PDZRN4: variants seen among roughly 807,000 people sequenced by gnomAD.
PDZRN4 encodes the protein PDZ domain containing ring finger 4.
Under a neutral mutation model 99.0 loss-of-function variants are expected in PDZRN4, and 70 were observed. The ratio of observed to expected loss-of-function variants is 0.71; its 90% CI spans 0.58 to 0.86. The LOEUF (loss-of-function observed/expected upper bound fraction) is 0.86. Among genes scored for constraint, PDZRN4 ranks in the 40% least tolerant of loss-of-function variants. PDZRN4 has a pLI of 0.00. For synonymous variants in PDZRN4, 551 were observed against 501.6 expected (o/e 1.10, Z -1.32); for missense variants, 1,474 against 1,331.2 (o/e 1.11, Z -1.67).
intron 3 of PDZRN4, among the ~76,000 whole-genome samples, chr12:41,373,013 G>A (rs549513357): frequency 5.3e-5 from 8 of 152,184 alleles, no homozygotes; most frequent in African/African-American, 1.2e-4. Context: ...CTGGGTGTCC[G>A]GGGGAGACAT....
chr12:41,521,833 G>A (rs930286643), intron 5 of PDZRN4, among the ~76,000 whole-genome samples: 7 of 152,046 alleles, frequency 4.6e-5, no homozygotes, highest in Non-Finnish European at 8.8e-5. Context: ...ATTGTCAAGA[G>A]GATATAGTAT....
At chr12:41,348,917 G>C (rs1052108877) in intron 3 of PDZRN4, among the ~76,000 whole-genome samples, 2 of 151,882 alleles carry the variant, frequency 1.3e-5, no homozygotes, top group Non-Finnish European at 2.9e-5. Flanking sequence ...CTATTAAAAT[G>C]TCCCTTTGTG....
rs1938207199 is a variant in PDZRN4 at position 41,506,483 on chromosome 12, A to G, written c.871A>G (p.Thr291Ala). ...EVNGKDLSKA[T>A]HEEAVEAFRN... ...CAATGGGAAGGATCTTTCAAAGGCC[A>G]CTCATGAAGAGGCAGTGGAAGCTTT... The change falls in exon 4 of 10, where the codon ACT (threonine) becomes GCT (alanine). Residue 291 changes from threonine (T) to alanine (A), a missense_variant. Physicochemically the swap from Thr to Ala is moderately conservative, Grantham distance 58. Transcript: ENST00000402685. The G allele has an allele frequency of 6.2e-6, 10 of 1,613,076 alleles. No individual in the cohort carries two copies. The highest frequency in any genetic ancestry group is 7.6e-6 in the Non-Finnish European group (9 of 1,179,548).
At chr12:41,240,034 C>G (rs1486860226) in intron 3 of PDZRN4, among the ~76,000 whole-genome samples, 3 of 152,152 alleles carry the variant, frequency 2.0e-5, no homozygotes, top group Admixed American at 6.5e-5. Context: ...TGGAGTAAAT[C>G]ACTGAAGCAG....
intron 5 of PDZRN4, among the ~76,000 whole-genome samples, chr12:41,537,997 G>A (rs1464594985): frequency 6.6e-6 from 1 of 152,112 alleles, no homozygotes; most frequent in Non-Finnish European, 1.5e-5. Flanking sequence ...AAATTCCACT[G>A]TTTTCTTGAT....
chr12:41,486,885 C>A (rs921974387), intron 3 of PDZRN4, among the ~76,000 whole-genome samples: 1 of 151,648 alleles, frequency 6.6e-6, no homozygotes, highest in Non-Finnish European at 1.5e-5. Flanking sequence ...ATGCTTCCAC[C>A]CTTGGGCCTT....
intron 3 of PDZRN4, among the ~76,000 whole-genome samples, chr12:41,274,327 A>G (rs1161787730): frequency 6.6e-6 from 1 of 152,178 alleles, no homozygotes; most frequent in Admixed American, 6.6e-5. Flanking sequence ...ATTTAAAATA[A>G]TAAATCTTTC....
At chr12:41,506,409 T>A in intron 3 of PDZRN4, 47 bp from the exon 4 acceptor site, 1 of 1,539,408 alleles carries the variant, frequency 6.5e-7, no homozygotes. Flanking sequence ...CATGACAGCC[T>A]CTCTGATCTT....
At chr12:41,296,419 G>T (rs73122845) in intron 3 of PDZRN4, among the ~76,000 whole-genome samples, 3,620 of 152,156 alleles carry the variant, frequency 0.024, 142 homozygotes, top group African/African-American at 0.082. Flanking sequence ...CTTTATGAAG[G>T]GTCAAAGAAC....
intron 3 of PDZRN4, among the ~76,000 whole-genome samples, chr12:41,267,814 C>T (rs1306133947): frequency 6.6e-6 from 1 of 152,088 alleles, no homozygotes; most frequent in Non-Finnish European, 1.5e-5. Flanking sequence ...GCACTCCAGT[C>T]TGGGCAACAG....
chr12:41,344,122 CA>C (rs1348156278), intron 3 of PDZRN4, among the ~76,000 whole-genome samples: 2 of 152,038 alleles, frequency 1.3e-5, no homozygotes, highest in African/African-American at 4.8e-5. Flanking sequence ...TACTGGTGAT[CA>C]AATAAGTTGA....
intron 5 of PDZRN4, among the ~76,000 whole-genome samples, chr12:41,514,666 ATT>A (rs1938369169): frequency 6.6e-6 from 1 of 152,048 alleles, no homozygotes; most frequent in Admixed American, 6.6e-5. Flanking sequence ...GAGGGTTCCC[ATT>A]GGTGTCTGCA....
chr12:41,387,922 C>T (rs1952183478), intron 3 of PDZRN4, among the ~76,000 whole-genome samples: 1 of 152,194 alleles, frequency 6.6e-6, no homozygotes. Flanking sequence ...AATCCCATTA[C>T]TGGATATATT....
At chr12:41,311,806 T>C (rs1367604) in intron 3 of PDZRN4, among the ~76,000 whole-genome samples, 174 of 152,314 alleles carry the variant, frequency 1.1e-3, no homozygotes, top group African/African-American at 3.9e-3. Flanking sequence ...TTGATAGGTA[T>C]CGTGTGACTT....
chr12:41,537,874 A>T (rs1938776519), intron 5 of PDZRN4, among the ~76,000 whole-genome samples: 1 of 152,140 alleles, frequency 6.6e-6, no homozygotes, highest in Non-Finnish European at 1.5e-5. Flanking sequence ...ATCTGTGAAG[A>T]GTCACTAAGA....
chr12:41,211,922 G>A (rs1950891038), intron 3 of PDZRN4, among the ~76,000 whole-genome samples: 1 of 151,852 alleles, frequency 6.6e-6, no homozygotes, highest in Non-Finnish European at 1.5e-5. Flanking sequence ...ATGATACCAG[G>A]TTTCTTTGTA....
At chr12:41,395,200 T>C (rs866313714) in intron 3 of PDZRN4, among the ~76,000 whole-genome samples, 1 of 151,872 alleles carries the variant, frequency 6.6e-6, no homozygotes, top group African/African-American at 2.4e-5. Flanking sequence ...CTTAAATACA[T>C]CCTCTTGAGT....
At chr12:41,322,735 A>G (rs775911165) in intron 3 of PDZRN4, among the ~76,000 whole-genome samples, 4 of 151,906 alleles carry the variant, frequency 2.6e-5, no homozygotes, top group Non-Finnish European at 4.4e-5. Flanking sequence ...TGACCTCGTG[A>G]TCCTCCCGCC....
At chr12:41,225,392 A>T (rs986903692) in intron 3 of PDZRN4, among the ~76,000 whole-genome samples, 3 of 151,894 alleles carry the variant, frequency 2.0e-5, no homozygotes, top group Non-Finnish European at 2.9e-5. Context: ...AATGTATTTT[A>T]TCATTCATAT....
Sources: gnomAD v4.1 joint callset for allele counts (sites outside exome capture counted in the v4.1 genomes callset) on GRCh38, gnomAD v4.1.1 for gene constraint, MANE v1.5 for transcripts, NCBI Gene and HGNC (gene_info 2026-07-23, HGNC 2026-07-21) for gene names.